DPYD: variants seen among roughly 807,000 people sequenced by gnomAD.
The protein encoded by DPYD is dihydropyrimidine dehydrogenase.
In DPYD, 109 loss-of-function variants were observed where a neutral mutation model predicts 116.2. The observed-to-expected ratio is 0.94, with a 90% CI of 0.80 to 1.10. The LOEUF is 1.10. Ranked by LOEUF, DPYD falls within the 50% of genes least tolerant of loss-of-function variation. DPYD has a pLI of 0.00. For missense variants in DPYD, 1,302 were observed against 1,254.5 expected, an observed-to-expected ratio of 1.04 and a Z score of -0.57; for synonymous variants, 440 against 432.0, an observed-to-expected ratio of 1.02 and a Z score of -0.23.
chr1:97,500,239 T>C (rs1174436096), intron 13 of DPYD, among the ~76,000 whole-genome samples: 1 of 151,998 alleles, frequency 6.6e-6, no homozygotes, highest in Non-Finnish European at 1.5e-5. Context: ...ATCAAATACA[T>C]TTAATTATGT....
intron 8 of DPYD, among the ~76,000 whole-genome samples, chr1:97,599,176 A>G (rs557472534): frequency 9.2e-5 from 14 of 152,286 alleles, no homozygotes; most frequent in Admixed American, 9.1e-4. Context: ...CCTTTCTGAA[A>G]TGTTTTCCTT....
At chr1:97,463,705 T>C (rs1283419029) in intron 13 of DPYD, among the ~76,000 whole-genome samples, 9 of 152,146 alleles carry the variant, frequency 5.9e-5, no homozygotes, top group Admixed American at 5.2e-4. Context: ...GCTGAGATGG[T>C]CTCAGATGGA....
intron 16 of DPYD, among the ~76,000 whole-genome samples, chr1:97,373,268 C>T (rs570865912): frequency 2.0e-5 from 3 of 152,312 alleles, no homozygotes; most frequent in Admixed American, 6.5e-5. Context: ...AAGAACACTG[C>T]ATTTGAAATC....
intron 11 of DPYD, among the ~76,000 whole-genome samples, chr1:97,569,457 A>G (rs1357103006): frequency 6.7e-6 from 1 of 148,346 alleles, no homozygotes; most frequent in African/African-American, 2.4e-5. Context: ...TATTATACAT[A>G]TATGTATAAT....
intron 3 of DPYD, among the ~76,000 whole-genome samples, chr1:97,813,621 G>A (rs894364201): frequency 1.3e-5 from 2 of 152,064 alleles, no homozygotes; most frequent in Non-Finnish European, 2.9e-5. Context: ...AAAAATTGAT[G>A]TTATGGAAGA....
intron 20 of DPYD, among the ~76,000 whole-genome samples, chr1:97,129,244 T>C (rs537758009): frequency 2.0e-5 from 3 of 152,034 alleles, no homozygotes; most frequent in East Asian, 1.9e-4. Flanking sequence ...TTTGTATTTT[T>C]TAGTATAGAC....
At chr1:97,491,127 ATATAT>A (rs1185105311) in intron 13 of DPYD, among the ~76,000 whole-genome samples, 3 of 147,900 alleles carry the variant, frequency 2.0e-5, no homozygotes, top group South Asian at 2.1e-4. Flanking sequence ...TAACCTAATG[ATATAT>A]TATTTCATAA....
intron 20 of DPYD, among the ~76,000 whole-genome samples, chr1:97,173,297 T>C (rs1368172857): frequency 3.3e-5 from 5 of 149,554 alleles, no homozygotes; most frequent in African/African-American, 1.3e-4. Flanking sequence ...TATGTACACA[T>C]ATGTACATAT....
At chr1:97,690,942 G>C (rs1571197447) in intron 7 of DPYD, among the ~76,000 whole-genome samples, 1 of 152,060 alleles carries the variant, frequency 6.6e-6, no homozygotes, top group East Asian at 1.9e-4. Context: ...AAATGCAAAA[G>C]GTATGAGTAG....
At chr1:97,366,466 T>C (rs1016129776) in intron 16 of DPYD, among the ~76,000 whole-genome samples, 5 of 152,166 alleles carry the variant, frequency 3.3e-5, no homozygotes, top group Admixed American at 2.6e-4. Flanking sequence ...CATGGAACTA[T>C]GTTATTTCAT....
chr1:97,467,877 A>G (rs1055648615), intron 13 of DPYD, among the ~76,000 whole-genome samples: 1 of 152,156 alleles, frequency 6.6e-6, no homozygotes, highest in Non-Finnish European at 1.5e-5. Flanking sequence ...ACTGAACAAG[A>G]TTTTTCTGGA....
At chr1:97,529,281 A>G (rs1296243675) in intron 12 of DPYD, among the ~76,000 whole-genome samples, 2 of 152,156 alleles carry the variant, frequency 1.3e-5, no homozygotes, top group African/African-American at 2.4e-5. Context: ...AAATTTATCT[A>G]TATCTATCAA....
chr1:97,557,573 C>G (rs553841902), intron 11 of DPYD, among the ~76,000 whole-genome samples: 3 of 152,206 alleles, frequency 2.0e-5, no homozygotes, highest in Non-Finnish European at 2.9e-5. Context: ...GCCTCGGCCT[C>G]CCAAAGTGCT....
At chr1:97,121,921 G>A (rs898490787) in intron 20 of DPYD, among the ~76,000 whole-genome samples, 5 of 152,160 alleles carry the variant, frequency 3.3e-5, no homozygotes, top group South Asian at 2.1e-4. Flanking sequence ...CCTGGCCTGG[G>A]TCTGCAAGTA....
At chr1:97,765,748 T>C (rs983785865) in intron 3 of DPYD, among the ~76,000 whole-genome samples, 1 of 152,180 alleles carries the variant, frequency 6.6e-6, no homozygotes, top group Non-Finnish European at 1.5e-5. Context: ...AGCTAGTTGA[T>C]GAAAGACTGT....
chr1:97,329,501 A>G (rs1570536584), intron 16 of DPYD, among the ~76,000 whole-genome samples: 1 of 151,956 alleles, frequency 6.6e-6, no homozygotes, highest in Admixed American at 6.6e-5. Flanking sequence ...AATCTCAGCA[A>G]TTTGGGAGGC....
At chr1:97,277,017 T>A (rs11587447) in intron 18 of DPYD, among the ~76,000 whole-genome samples, 3 of 151,988 alleles carry the variant, frequency 2.0e-5, no homozygotes, top group South Asian at 2.1e-4. Context: ...CATGGAATAC[T>A]ATGCAGCCAT....
intron 11 of DPYD, among the ~76,000 whole-genome samples, chr1:97,568,783 A>G (rs1652702015): frequency 6.6e-6 from 1 of 152,126 alleles, no homozygotes; most frequent in Non-Finnish European, 1.5e-5. Flanking sequence ...AACATGAAGC[A>G]AGTCAAGTCA....
intron 12 of DPYD, among the ~76,000 whole-genome samples, chr1:97,525,785 AGAGAGT>A (rs986671372): frequency 2.0e-5 from 3 of 147,886 alleles, no homozygotes; most frequent in Admixed American, 6.7e-5. Flanking sequence ...AGAGAGAGAG[AGAGAGT>A]GTGTGTGTGT....
Sources: gnomAD v4.1 joint callset for allele counts (sites outside exome capture counted in the v4.1 genomes callset) on GRCh38, gnomAD v4.1.1 for gene constraint, MANE v1.5 for transcripts, NCBI Gene and HGNC (gene_info 2026-07-23, HGNC 2026-07-21) for gene names.